Variants in ZNF280D observed in about 807,000 individuals in gnomAD.
The protein encoded by ZNF280D is zinc finger protein 280D.
A neutral mutation model predicts 94.7 loss-of-function variants in ZNF280D; 39 were observed. That is an observed-to-expected ratio of 0.41 (90% CI 0.32 to 0.54). The LOEUF (loss-of-function observed/expected upper bound fraction) is 0.54. ZNF280D is among the 20% of genes least tolerant of loss of function. The pLI is 0.22. For missense variants in ZNF280D, 1,090 were observed against 1,149.3 expected (o/e 0.95, Z 0.75); for synonymous variants, 398 against 377.6 (o/e 1.05, Z -0.63).
At chr15:56,714,777 C>T (rs1237714165) in intron 1 of ZNF280D, among the ~76,000 whole-genome samples, 1 of 152,080 alleles carries the variant, frequency 6.6e-6, no homozygotes, top group African/African-American at 2.4e-5. Context: ...AAACAATTCT[C>T]CAAGTTAGTG....
intron 20 of ZNF280D, among the ~76,000 whole-genome samples, chr15:56,642,262 T>C (rs1189120222): frequency 6.6e-6 from 1 of 151,856 alleles, no homozygotes; most frequent in Non-Finnish European, 1.5e-5. Flanking sequence ...AAAAGAAAGC[T>C]GCTTGGAAGA....
intron 6 of ZNF280D, among the ~76,000 whole-genome samples, chr15:56,693,780 T>C (rs1241089709): frequency 6.6e-6 from 1 of 152,264 alleles, no homozygotes; most frequent in East Asian, 1.9e-4. Flanking sequence ...TGTGCATCAG[T>C]GTTAAGGATG....
intron 19 of ZNF280D, among the ~76,000 whole-genome samples, chr15:56,652,152 G>C (rs893245878): frequency 1.3e-5 from 2 of 151,918 alleles, no homozygotes; most frequent in Admixed American, 6.6e-5. Flanking sequence ...TGGAAATTCA[G>C]AACTATTAGA....
chr15:56,727,258 G>A (rs1181824181), intron 1 of ZNF280D, among the ~76,000 whole-genome samples: 2 of 151,328 alleles, frequency 1.3e-5, no homozygotes, highest in Non-Finnish European at 1.5e-5. Flanking sequence ...TCAGGAGTTC[G>A]AGACCAGCCT....
intron 19 of ZNF280D, among the ~76,000 whole-genome samples, chr15:56,651,827 C>T (rs1453920379): frequency 6.6e-6 from 1 of 151,948 alleles, no homozygotes; most frequent in African/African-American, 2.4e-5. Context: ...TTGGCTGAAT[C>T]TGCAGACACA....
intron 1 of ZNF280D, chr15:56,729,655 G>C (rs1299848309): frequency 6.6e-6 from 1 of 152,160 alleles, no homozygotes; most frequent in Non-Finnish European, 1.5e-5. Context: ...TCATTGTACG[G>C]GAAAAGCTTC....
At chr15:56,708,534 G>T (rs795036) in intron 1 of ZNF280D, among the ~76,000 whole-genome samples, 150,708 of 152,306 alleles carry the variant, frequency 0.99, 74,591 homozygotes, top group Middle Eastern at 1. Context: ...TAAGTTATCA[G>T]GTAAGTATCT....
chr15:56,704,089 A>G (rs752733597), intron 4 of ZNF280D, 32 bp downstream of exon 4: 2 of 1,610,602 alleles, frequency 1.2e-6, no homozygotes, highest in East Asian at 2.2e-5. Flanking sequence ...AATACCTTAT[A>G]AAGCTTGGTT....
chr15:56,712,523 G>C (rs1307006339), intron 1 of ZNF280D, among the ~76,000 whole-genome samples: 7 of 145,884 alleles, frequency 4.8e-5, no homozygotes, highest in Non-Finnish European at 7.5e-5. Context: ...AGCTATAAGA[G>C]GTTGAGGCTG....
intron 16 of ZNF280D, among the ~76,000 whole-genome samples, chr15:56,661,336 A>C (rs2053930342): frequency 6.6e-6 from 1 of 152,172 alleles, no homozygotes; most frequent in Non-Finnish European, 1.5e-5. Context: ...TCATTCTATC[A>C]ATGTTAGGAA....
At chr15:56,652,981 T>A (rs1240317472) in intron 19 of ZNF280D, 2 of 918,866 alleles carry the variant, frequency 2.2e-6, no homozygotes, top group Non-Finnish European at 2.6e-6. Context: ...TAGACATTAA[T>A]AAATTTTGAG....
chr15:56,632,822 A>C (rs1175788468), intron 21 of ZNF280D, among the ~76,000 whole-genome samples: 4 of 152,094 alleles, frequency 2.6e-5, no homozygotes, highest in Non-Finnish European at 5.9e-5. Flanking sequence ...TTATGTTTAG[A>C]ATGTCTTTCC....
At position 56,681,885 on chromosome 15, in the gene ZNF280D, AAC is replaced by A. The variant is rs1315320844; in HGVS notation, c.1004+367_1004+368del. Among the ~76,000 whole-genome samples, 8 of 152,254 alleles carry A rather than the reference AAC, an allele frequency of 5.3e-5. No individual in the cohort carries two copies. In the South Asian group the frequency reaches 1.2e-3, roughly 24 times the overall value. ...TACATAGAGGAGCTCAACCTGAACAAACACAGAGTGGTTCTTCTTGTAATGTG... is the reference window on the plus strand; with the variant it reads ...TACATAGAGGAGCTCAACCTGAACAAACAGAGTGGTTCTTCTTGTAATGTG... On this transcript the variant is annotated intron_variant, in intron 10 of 21. Coordinates refer to ENST00000267807, the MANE Select transcript of ZNF280D (RefSeq NM_017661.4).
At chr15:56,712,230 A>G (rs1357418532) in intron 1 of ZNF280D, among the ~76,000 whole-genome samples, 3 of 152,360 alleles carry the variant, frequency 2.0e-5, no homozygotes, top group Admixed American at 2.0e-4. Flanking sequence ...TCATATAAAC[A>G]TAACACACTG....
At chr15:56,672,274 G>T (rs1047568528) in intron 13 of ZNF280D, among the ~76,000 whole-genome samples, 4 of 152,114 alleles carry the variant, frequency 2.6e-5, no homozygotes, top group African/African-American at 9.7e-5. Context: ...CAAGGGGAAT[G>T]CTTCCAGCTT....
intron 12 of ZNF280D, among the ~76,000 whole-genome samples, chr15:56,677,285 C>T (rs1047639949): frequency 6.6e-6 from 1 of 152,130 alleles, no homozygotes; most frequent in Non-Finnish European, 1.5e-5. Context: ...TTCTTTGTAT[C>T]TAACAGCACT....
rs1473840314 is a variant in ZNF280D, at chr15:56,669,879, ATATATATAT to A, written c.1411-931_1411-923del. ...TTTTATATATATATATATTTTATAT[ATATATATAT>A]TATATATATATATAATATATATATA... On this transcript the variant is annotated intron_variant, in intron 13 of 21. Transcript: ENST00000267807. 2.8e-3 allele frequency among the ~76,000 whole-genome samples: 29 copies of A among 10,244 alleles called. 4 individuals carry two copies. The highest frequency in any genetic ancestry group is 0.01 in the East Asian group (2 of 198). 6.7% of individuals were successfully genotyped at this position (10,244 alleles called of 152,430 possible).
At position 56,631,846 on chromosome 15, in the gene ZNF280D, A is replaced by T; in HGVS notation, c.2592T>A (p.Asp864Glu). 3 of 1,613,908 alleles carry T rather than the reference A, an allele frequency of 1.9e-6. No individual in the cohort carries two copies. The highest frequency in any genetic ancestry group is 2.5e-6 in the Non-Finnish European group (3 of 1,180,022). ...CQSSENIILS[D>E]QIKDHNSSEA... ...CACTGGAGTTGTGATCTTTAATCTG[A>T]TCAGATAAGATTATGTTTTCTGAAC... is the stretch of plus-strand genomic sequence containing the variant. Residue 864 changes from aspartate to glutamate, a missense_variant, in exon 22 of 22, where the codon GAT becomes GAA. Asp to Glu is a conservative substitution (Grantham distance 45). Around this residue, in one of 3 missense-constraint regions of ZNF280D, gnomAD observed 577 missense variants for 568.8 expected, o/e 1.01. Coordinates refer to ENST00000267807, the MANE Select transcript of ZNF280D (RefSeq NM_017661.4).
intron 16 of ZNF280D, among the ~76,000 whole-genome samples, chr15:56,659,718 C>T (rs1305645572): frequency 6.6e-6 from 1 of 151,764 alleles, no homozygotes; most frequent in Non-Finnish European, 1.5e-5. Context: ...ACAACCCCAT[C>T]CCCCGTGACA....
Sources: gnomAD v4.1 joint callset for allele counts (sites outside exome capture counted in the v4.1 genomes callset) on GRCh38, gnomAD v4.1.1 for gene constraint, gnomAD v4.1.1 regional missense constraint, MANE v1.5 for transcripts, NCBI Gene and HGNC (gene_info 2026-07-23, HGNC 2026-07-21) for gene names.